The following TNS4 variants were observed in gnomAD, a reference collection of about 807,000 sequenced individuals.
TNS4 encodes tensin-4.
In TNS4, 46 loss-of-function variants were observed where a neutral mutation model predicts 70.4. The ratio of observed to expected loss-of-function variants is 0.65; its 90% confidence interval spans 0.52 to 0.84. The LOEUF (loss-of-function observed/expected upper bound fraction) is 0.84, where lower values mean the gene tolerates loss of function less well. TNS4 is among the 40% of genes least tolerant of loss of function. The pLI is 0.00. For synonymous variants in TNS4, 390 were observed against 366.6 expected (o/e 1.06, Z -0.73); for missense variants, 863 against 907.0 (o/e 0.95, Z 0.62).
Position 40,477,565 on chromosome 17 carries a change from T to G in TNS4, c.*23A>C. ...TTAGCGAGCCCCTGGAGGTGTTGGT[T>G]AGGTGCACAGGCAGTCTCTCCCCTA... On this transcript the variant is annotated 3_prime_UTR_variant, in exon 13 of 13. Transcript: ENST00000254051. 1.2e-6 allele frequency: 2 copies of G among 1,613,222 alleles called. No individual in the cohort carries two copies. Among genetic ancestry groups the G allele is most frequent in the South Asian group, 2.2e-5 (2 of 91,028 alleles).
rs143470698 is a variant in TNS4, at chr17:40,483,386, C to T, written c.1502-970G>A. 7.9e-5 allele frequency among the ~76,000 whole-genome samples: 12 copies of T among 152,082 alleles called. No individual in the cohort carries two copies. The East Asian group carries it at 1.4e-3, about 17-fold the overall frequency. ...CACCACACCTGGGTAATTTTTGTAGCGACAGGGTTTTGCCATATTGCTCAA... is the reference window on the plus strand; with the variant it reads ...CACCACACCTGGGTAATTTTTGTAGTGACAGGGTTTTGCCATATTGCTCAA... On this transcript the variant is annotated intron_variant, in intron 6 of 12. Coordinates refer to ENST00000254051, the MANE Select transcript of TNS4 (RefSeq NM_032865.6).
intron 6 of TNS4, among the ~76,000 whole-genome samples, chr17:40,483,027 G>T (rs1214438371): frequency 2.0e-5 from 3 of 150,642 alleles, no homozygotes; most frequent in Non-Finnish European, 4.4e-5. Context: ...TCGGCTTACT[G>T]CAGCCTCAAC....
chr17:40,495,059 G>T (rs1320589709), intron 2 of TNS4, among the ~76,000 whole-genome samples: 1 of 152,024 alleles, frequency 6.6e-6, no homozygotes, highest in Non-Finnish European at 1.5e-5. Flanking sequence ...GTATCAGCTG[G>T]TTAAGAGCTG....
intron 4 of TNS4, among the ~76,000 whole-genome samples, chr17:40,485,946 T>A (rs780992889): frequency 3.3e-5 from 5 of 152,194 alleles, no homozygotes; most frequent in Non-Finnish European, 5.9e-5. Context: ...TCCACATGGC[T>A]TCGTGAGTGG....
chr17:40,480,752 A>C lies in TNS4; in HGVS notation c.1689T>G (p.Asp563Glu). The C allele has an allele frequency of 6.2e-7, 1 of 1,601,264 alleles. No individual in the cohort carries two copies. Among genetic ancestry groups the C allele is most frequent in the East Asian group, 2.3e-5 (1 of 43,336 alleles). ...TIPQRELGGA[D>E]GASDSTDSPA... is the part of the protein sequence containing the mutation. ...GGCTGTCTGTAGAGTCCGAGGCCCCATCTGCACCTCCCAGTTCTGAGCCAA... is the reference window on the plus strand; with the variant it reads ...GGCTGTCTGTAGAGTCCGAGGCCCCCTCTGCACCTCCCAGTTCTGAGCCAA... Residue 563 changes from aspartate to glutamate, a missense_variant, in exon 9 of 13, where the codon GAT becomes GAG. Asp to Glu is a conservative substitution (Grantham distance 45). Coordinates refer to ENST00000254051, the MANE Select transcript of TNS4 (RefSeq NM_032865.6).
intron 2 of TNS4, among the ~76,000 whole-genome samples, chr17:40,494,085 C>T (rs1332380679): frequency 6.6e-6 from 1 of 152,226 alleles, no homozygotes; most frequent in Non-Finnish European, 1.5e-5. Context: ...GCCCAGGAGC[C>T]CAGGAACCCT....
At position 40,488,869 on chromosome 17, in the gene TNS4, G is replaced by T; in HGVS notation, c.540C>A (p.Arg180=). 1 of 1,613,662 alleles carries T rather than the reference G, an allele frequency of 6.2e-7. No homozygotes were observed. The highest frequency in any genetic ancestry group is 1.3e-5 in the African/African-American group (1 of 75,030). ...CTCTGGAAAGGAGGAGGCCACCACT[G>T]CGAAGGGAGCCGAAGGGCGGGGTGA... ...PSVTPPFGSL[R]SGGLLLSRDV... Residue 180 remains arginine, a synonymous_variant, in exon 3 of 13, where the codon CGC becomes CGA. Transcript: ENST00000254051.
chr17:40,482,510 G>A (rs1373602509), intron 6 of TNS4, 94 bp from the exon 7 acceptor site: 48 of 1,149,088 alleles, frequency 4.2e-5, no homozygotes, highest in East Asian at 2.4e-5. Flanking sequence ...TTGGGAGGCC[G>A]AGGTGGGCAG....
intron 8 of TNS4, among the ~76,000 whole-genome samples, chr17:40,481,319 T>G (rs749397378): frequency 7.9e-5 from 12 of 152,052 alleles, no homozygotes; most frequent in Non-Finnish European, 1.8e-4. Flanking sequence ...AGAACCCTCG[T>G]TTTCTTTTCC....
At position 40,484,957 on chromosome 17, in the gene TNS4, TA is replaced by T; in HGVS notation, c.1338del (p.Lys447AsnfsTer17). 6.2e-7 allele frequency: 1 copy of T among 1,614,226 alleles called. No individual in the cohort carries two copies. The highest frequency in any genetic ancestry group is 1.1e-5 in the South Asian group (1 of 91,082). On this transcript the variant is annotated frameshift_variant, in exon 5 of 13. Coordinates refer to ENST00000254051, the MANE Select transcript of TNS4 (RefSeq NM_032865.6). LOFTEE classifies it high-confidence loss of function. ...QPTMKFVMDT[S>X]KYWFKPNITR... ...GTGATGTTTGGCTTAAACCAGTATT[TA>T]GATGTGTCCATCACGAACTTCATGG... is the stretch of plus-strand genomic sequence containing the variant.
At chr17:40,499,060 G>T (rs1341495609) in intron 1 of TNS4, among the ~76,000 whole-genome samples, 1 of 152,086 alleles carries the variant, frequency 6.6e-6, no homozygotes, top group African/African-American at 2.4e-5. Flanking sequence ...GAAAGAAAAA[G>T]TAAAAACTAA....
chr17:40,485,032 C>A (rs2035973512), intron 4 of TNS4, 25 bp from the exon 5 acceptor site: 1 of 1,607,990 alleles, frequency 6.2e-7, no homozygotes, highest in East Asian at 2.2e-5. Flanking sequence ...AGAAGGGGGA[C>A]CCTGTAGGCT....
At position 40,488,968 on chromosome 17, in the gene TNS4, G is replaced by A; in HGVS notation, c.441C>T (p.Asp147=). 6.4e-7 allele frequency: 1 copy of A among 1,562,012 alleles called. No homozygotes were observed. The highest frequency in any genetic ancestry group is 1.2e-5 in the South Asian group (1 of 85,572). The change falls in exon 3 of 13, where the codon GAC becomes GAT. Residue 147 remains aspartate (D), a splice_region_variant and synonymous_variant. Transcript: ENST00000254051. ...MRKKEESEAL[D]IKYIEVTSAR... is the part of the protein sequence containing the mutation. The stretch of plus-strand genomic sequence containing the variant: ...CGGAGGTCACCTCGATGTACTTTAT[G>A]TCTTTGGGGGAGAAAAGCAGAGCAT...
Position 40,495,975 on chromosome 17 carries a change from C to G in TNS4, c.439+12G>C, listed in dbSNP as rs773775527. On this transcript the variant is annotated intron_variant, in intron 2 of 12. Transcript: ENST00000254051. ...CAAGCCCCCCTCCTGGTACTGTGCC[C>G]CAAATCCTTACCCAAGGCTTCAGAT... is the stretch of plus-strand genomic sequence containing the variant. 4 of 1,599,688 alleles carry G rather than the reference C, an allele frequency of 2.5e-6. No individual in the cohort carries two copies. In the South Asian group the frequency reaches 4.5e-5, roughly 18 times the overall value.
chr17:40,489,215 C>T (rs895407738), intron 2 of TNS4, among the ~76,000 whole-genome samples: 10 of 152,270 alleles, frequency 6.6e-5, no homozygotes, highest in Admixed American at 2.0e-4. Flanking sequence ...CAGACCCAGG[C>T]TTCAGATCTG....
At chr17:40,479,181 T>C (rs2035888838) in intron 10 of TNS4, among the ~76,000 whole-genome samples, 1 of 152,150 alleles carries the variant, frequency 6.6e-6, no homozygotes, top group African/African-American at 2.4e-5. Flanking sequence ...GGAGTTTCAC[T>C]CTGTCACCCA....
chr17:40,488,861 C>T lies in TNS4; in HGVS notation c.548G>A (p.Gly183Asp). ...GGGGACGTCTCTGGAAAGGAGGAGG[C>T]CACCACTGCGAAGGGAGCCGAAGGG... ...TPPFGSLRSG[G>D]LLLSRDVPRE... The change falls in exon 3 of 13, where the codon GGC becomes GAC. Residue 183 changes from glycine to aspartate, a missense_variant. Transcript: ENST00000254051. 1.2e-6 allele frequency: 2 copies of T among 1,613,442 alleles called. No individual in the cohort carries two copies. The highest frequency in any genetic ancestry group is 1.1e-5 in the South Asian group (1 of 91,030).
Position 40,494,700 on chromosome 17 carries a change from C to T in TNS4, c.439+1287G>A, listed in dbSNP as rs570146788. On this transcript the variant is annotated intron_variant, in intron 2 of 12. Transcript: ENST00000254051. ...TGAGCCGAGATCGTGCTGTTGCACTCCAGCCTGGGTGACAGTGAGACTCCA... is the reference window on the plus strand; with the variant it reads ...TGAGCCGAGATCGTGCTGTTGCACTTCAGCCTGGGTGACAGTGAGACTCCA... 4.1e-5 allele frequency among the ~76,000 whole-genome samples: 6 copies of T among 145,314 alleles called. No homozygotes were observed. In the South Asian group the frequency reaches 1.3e-3, roughly 32 times the overall value.
In TNS4 at chr17:40,483,019, G is replaced by A. The variant is rs554205801; in HGVS notation, c.1502-603C>T. Among the ~76,000 whole-genome samples the A allele has an allele frequency of 2.0e-5, 3 of 150,940 alleles. No homozygotes were observed. In the East Asian group the frequency reaches 5.9e-4, roughly 29 times the overall value. The stretch of plus-strand genomic sequence containing the variant: ...GACTGGAGTGCAGCGGCATGATCTC[G>A]GCTTACTGCAGCCTCAACCTCCTGG... On this transcript the variant is annotated intron_variant, in intron 6 of 12. Coordinates refer to ENST00000254051, the MANE Select transcript of TNS4 (RefSeq NM_032865.6).
Sources: allele counts gnomAD v4.1 joint callset (sites outside exome capture counted in the v4.1 genomes callset), GRCh38; gene constraint gnomAD v4.1.1; transcripts MANE v1.5; gene names NCBI Gene and HGNC (gene_info 2026-07-23, HGNC 2026-07-21).